The following TRPV1 variants were observed in gnomAD, a reference collection of about 807,000 sequenced individuals.
The protein encoded by TRPV1 is transient receptor potential cation channel subfamily V member 1.
TRPV1 carries 82 observed loss-of-function variants against 82.3 expected under a neutral mutation model. The ratio of observed to expected loss-of-function variants is 1.00; its 90% CI spans 0.83 to 1.20. The LOEUF (loss-of-function observed/expected upper bound fraction) is 1.20, where lower values mean the gene tolerates loss of function less well. Among genes scored for constraint, TRPV1 ranks in the 50% most tolerant of loss-of-function variants. TRPV1 has a pLI of 0.00. For missense variants in TRPV1, 1,067 were observed against 1,096.8 expected, an observed-to-expected ratio of 0.97 and a Z score of 0.38; for synonymous variants, 515 against 467.7, an observed-to-expected ratio of 1.10 and a Z score of -1.30.
intron 7 of TRPV1, chr17:3,589,080 G>T: frequency 1.0e-6 from 1 of 964,700 alleles, no homozygotes; most frequent in Non-Finnish European, 1.6e-6. Context: ...GAGGCCAAGA[G>T]CTGGAGGCCT....
chr17:3,580,610 A>C, intron 10 of TRPV1, 83 bp from the exon 11 acceptor site: 1 of 1,419,186 alleles, frequency 7.0e-7, no homozygotes, highest in Non-Finnish European at 1.0e-6. Flanking sequence ...CCTAAATGGC[A>C]CCATGATGGG....
At chr17:3,604,012 C>T (rs1375393912) in intron 2 of TRPV1, among the ~76,000 whole-genome samples, 1 of 152,210 alleles carries the variant, frequency 6.6e-6, no homozygotes, top group Admixed American at 6.5e-5. Flanking sequence ...GGCAGGGCAC[C>T]CTGTAACAGG....
intron 2 of TRPV1, chr17:3,602,405 C>T (rs1410671564): frequency 6.6e-6 from 1 of 152,204 alleles, no homozygotes; most frequent in Non-Finnish European, 1.5e-5. Flanking sequence ...TCCACTAAAA[C>T]TCTCGACATG....
At chr17:3,579,951 G>A (rs1021593626) in intron 11 of TRPV1, among the ~76,000 whole-genome samples, 1 of 99,424 alleles carries the variant, frequency 1.0e-5, no homozygotes, top group African/African-American at 2.6e-5. Flanking sequence ...GCGACTGGGG[G>A]ATGGGGAAGC....
chr17:3,596,689 G>A (rs1310499444), intron 2 of TRPV1, among the ~76,000 whole-genome samples: 1 of 152,196 alleles, frequency 6.6e-6, no homozygotes, highest in Admixed American at 6.5e-5. Flanking sequence ...GTGCTTCCAA[G>A]GAGCCAGGCT....
intron 15 of TRPV1, 27 bp from the exon 16 acceptor site, chr17:3,571,666 T>C: frequency 3.9e-6 from 6 of 1,556,284 alleles, no homozygotes; most frequent in Non-Finnish European, 4.4e-6. Flanking sequence ...CGGGAGAGCC[T>C]GAGAGCTGTG....
chr17:3,607,751 G>T (rs902675708), intron 2 of TRPV1, among the ~76,000 whole-genome samples: 1 of 151,844 alleles, frequency 6.6e-6, no homozygotes, highest in Non-Finnish European at 1.5e-5. Context: ...TGGCCAGGTT[G>T]GTTTCAAACT....
At position 3,573,714 on chromosome 17, in the gene TRPV1, G is replaced by A; in HGVS notation, c.2022C>T (p.Leu674=). The A allele has an allele frequency of 6.2e-7, 1 of 1,614,070 alleles. No individual in the cohort carries two copies. Among genetic ancestry groups the A allele is most frequent in the South Asian group, 1.1e-5 (1 of 91,072 alleles). ...TGAGGGCGATGAGCATGTTGAGCAG[G>A]AGGATGTAGGTGAGAATTACATAGG... ...LLAYVILTYI[L]LLNMLIALMG... The change falls in exon 14 of 17, where the codon CTC becomes CTT. Residue 674 remains leucine (L), a synonymous_variant. Coordinates refer to ENST00000572705, the MANE Select transcript of TRPV1 (RefSeq NM_080704.4).
At position 3,572,264 on chromosome 17, in the gene TRPV1, C is replaced by T. The variant is rs200906114; in HGVS notation, c.2104-15G>A. 7.3e-5 allele frequency: 117 copies of T among 1,602,066 alleles called. No homozygotes were observed. The East Asian group carries it at 2.2e-3, about 30-fold the overall frequency. On this transcript the variant is annotated splice_polypyrimidine_tract_variant and intron_variant, in intron 14 of 16. Transcript: ENST00000572705. ...GTGATGGCTCTCTGCAGGAAGACAC[C>T]AAGGGCAGAGGAGCTGAGGGGCAGA...
At chr17:3,571,897 G>A (rs982974151) in intron 15 of TRPV1, among the ~76,000 whole-genome samples, 2 of 152,170 alleles carry the variant, frequency 1.3e-5, no homozygotes, top group South Asian at 4.1e-4. Context: ...TGGACACCTC[G>A]AATTTTCCAG....
At chr17:3,584,201 T>C (rs951638985) in intron 9 of TRPV1, among the ~76,000 whole-genome samples, 3 of 151,626 alleles carry the variant, frequency 2.0e-5, no homozygotes, top group African/African-American at 4.8e-5. Flanking sequence ...GAGCCAGAGG[T>C]TGCGGTGAGC....
At chr17:3,589,060 A>C in intron 7 of TRPV1, 1 of 1,134,218 alleles carries the variant, frequency 8.8e-7, no homozygotes, top group Non-Finnish European at 1.3e-6. Flanking sequence ...CTGAGGTGGA[A>C]GGATCACTTG....
In TRPV1 at chr17:3,590,998, A is replaced by C. The variant is rs368455887; in HGVS notation, c.570T>G (p.Leu190=). The change falls in exon 5 of 17, where the codon CTT becomes CTG. Residue 190 remains leucine, a synonymous_variant. Transcript: ENST00000572705. Reference sequence around the variant, plus strand: ...AGCTGTCCGTGTAGCTGGCGTTGACAAGCTCCTTCAGGCTGTCCGTTTGCC... The same window carrying C: ...AGCTGTCCGTGTAGCTGGCGTTGACCAGCTCCTTCAGGCTGTCCGTTTGCC... ...IARQTDSLKE[L]VNASYTDSYY... The C allele has an allele frequency of 1.2e-6, 2 of 1,609,982 alleles. No individual in the cohort carries two copies. Among genetic ancestry groups the C allele is most frequent in the African/African-American group, 1.3e-5 (1 of 74,828 alleles).
intron 2 of TRPV1, among the ~76,000 whole-genome samples, chr17:3,597,976 G>T (rs1330838098): frequency 6.6e-6 from 1 of 152,150 alleles, no homozygotes; most frequent in Non-Finnish European, 1.5e-5. Flanking sequence ...CCGGCCACAA[G>T]TGTCTATTTT....
In TRPV1 at chr17:3,606,943, C is replaced by T. The variant is rs1456647133; in HGVS notation, c.-34+1484G>A. ...GCCACTCTGAGATTAGACGGCCTGG[C>T]TCCTCCCAAAAGACAAAGGACGCTG... On this transcript the variant is annotated intron_variant, in intron 2 of 16. Transcript: ENST00000572705. 2.6e-5 allele frequency among the ~76,000 whole-genome samples: 4 copies of T among 152,310 alleles called. No homozygotes were observed. In the East Asian group the frequency reaches 7.7e-4, roughly 29 times the overall value.
intron 2 of TRPV1, among the ~76,000 whole-genome samples, chr17:3,593,556 T>G (rs1212131044): frequency 6.6e-6 from 1 of 151,972 alleles, no homozygotes; most frequent in Non-Finnish European, 1.5e-5. Flanking sequence ...ACCTAAGGGC[T>G]TTTTCCTCTG....
chr17:3,584,284 CA>C (rs906991706), intron 9 of TRPV1, among the ~76,000 whole-genome samples: 1 of 145,076 alleles, frequency 6.9e-6, no homozygotes, highest in Non-Finnish European at 1.5e-5. Context: ...AAACAAAAAA[CA>C]AAAAAAAAGA....
chr17:3,582,380 T>A (rs2075032409), intron 10 of TRPV1, among the ~76,000 whole-genome samples: 1 of 151,046 alleles, frequency 6.6e-6, no homozygotes, highest in South Asian at 2.1e-4. Flanking sequence ...TTATAAAAAT[T>A]AAAATTAAAA....
At chr17:3,576,668 A>AAAAAAAAAAAATAT in intron 13 of TRPV1, among the ~76,000 whole-genome samples, 30 of 38,420 alleles carry the variant, frequency 7.8e-4, no homozygotes, top group Non-Finnish European at 1.3e-3. Context: ...AAAAAAAAAA[A>AAAAAAAAAAAATAT]ATATATATAT....
Sources: gnomAD v4.1 joint callset for allele counts (sites outside exome capture counted in the v4.1 genomes callset) on GRCh38, gnomAD v4.1.1 for gene constraint, MANE v1.5 for transcripts, NCBI Gene and HGNC (gene_info 2026-07-23, HGNC 2026-07-21) for gene names.